Variants in FAM90A12 observed in about 807,000 individuals in gnomAD.
FAM90A12 encodes protein FAM90A12.
At chr8:8,028,883 A>C in the FAM90A12 span, among the ~76,000 whole-genome samples, 1 of 90,140 alleles carries the variant, frequency 1.1e-5, no homozygotes, top group Non-Finnish European at 2.4e-5. Context: ...GCCTTCCATG[A>C]AGTGGAACGG....
At chr8:8,028,567 C>G in the FAM90A12 span, 659,456 of 848,104 alleles carry the variant, frequency 0.78, 242,945 homozygotes, top group South Asian at 0.82. Context: ...CCTCTTACTG[C>G]TTGTGTGGAC....
At chr8:8,028,179 G>C in the FAM90A12 span, 1 of 963,636 alleles carries the variant, frequency 1.0e-6, no homozygotes, top group African/African-American at 1.9e-5. Flanking sequence ...GCCCGAAGCT[G>C]AGATTGGAGC....
At chr8:8,029,021 C>G in the FAM90A12 span, among the ~76,000 whole-genome samples, 1 of 96,362 alleles carries the variant, frequency 1.0e-5, no homozygotes, top group African/African-American at 3.5e-5. Flanking sequence ...TTCCTCATGC[C>G]GCTAGGAACG....
chr8:8,028,234 G>T, the FAM90A12 span: 6 of 1,030,692 alleles, frequency 5.8e-6, 3 homozygotes, highest in East Asian at 2.3e-4. Flanking sequence ...GGGCAGTGAG[G>T]TCACCGCAGG....
At chr8:8,028,701 G>A in the FAM90A12 span, 2 of 518,346 alleles carry the variant, frequency 3.9e-6, no homozygotes, top group East Asian at 8.7e-5. Flanking sequence ...GAAATTCTTA[G>A]TACAGTATCG....
the FAM90A12 span, chr8:8,029,298 C>T: frequency 4.0e-6 from 1 of 252,512 alleles, no homozygotes; most frequent in East Asian, 1.7e-4. Flanking sequence ...GATCCTTTTC[C>T]ATTCGGCAGC....
At chr8:8,028,248 T>C in the FAM90A12 span, 37 of 1,058,122 alleles carry the variant, frequency 3.5e-5, 4 homozygotes, top group African/African-American at 5.7e-4. Flanking sequence ...CCGCAGGACG[T>C]TTGTCTTGTG....
At chr8:8,028,335 G>T in the FAM90A12 span, 1 of 1,050,438 alleles carries the variant, frequency 9.5e-7, no homozygotes, top group Non-Finnish European at 1.3e-6. Flanking sequence ...CACCCTCGGG[G>T]CGGCTGTGTG....
At chr8:8,028,843 G>A in the FAM90A12 span, among the ~76,000 whole-genome samples, 2 of 77,634 alleles carry the variant, frequency 2.6e-5, no homozygotes, top group South Asian at 1.9e-3. Context: ...CGCGTCTTGG[G>A]CATTAACTGG....
chr8:8,028,293 T>G, the FAM90A12 span: 2 of 1,150,858 alleles, frequency 1.7e-6, 1 homozygote, highest in Admixed American at 5.3e-5. Flanking sequence ...GTCCGTGGGT[T>G]TTGGAGGCAG....
chr8:8,028,343 G>C, the FAM90A12 span: 11 of 999,860 alleles, frequency 1.1e-5, 4 homozygotes, highest in Non-Finnish European at 1.1e-5. Context: ...GGGCGGCTGT[G>C]TGTCGGCTTC....
At chr8:8,028,492 A>C in the FAM90A12 span, 1 of 1,146,848 alleles carries the variant, frequency 8.7e-7, no homozygotes, top group African/African-American at 1.6e-5. Flanking sequence ...CAGTGAAGCC[A>C]AGACGGAGCC....
chr8:8,028,325 C>T, the FAM90A12 span: 2 of 1,093,770 alleles, frequency 1.8e-6, 1 homozygote. Flanking sequence ...TCTCGGCAGC[C>T]ACCCTCGGGG....
At chr8:8,028,246 C>T in the FAM90A12 span, 71 of 1,052,612 alleles carry the variant, frequency 6.7e-5, 2 homozygotes, top group African/African-American at 1.0e-3. Context: ...CACCGCAGGA[C>T]GTTTGTCTTG....
Sources: gnomAD v4.1 joint callset for allele counts (sites outside exome capture counted in the v4.1 genomes callset) on GRCh38, gnomAD v4.1.1 for gene constraint, MANE v1.5 for transcripts, NCBI Gene and HGNC (gene_info 2026-07-23, HGNC 2026-07-21) for gene names.